The following COBL variants were observed in gnomAD, a reference collection of about 807,000 sequenced individuals.
COBL encodes the protein protein cordon-bleu.
A neutral mutation model predicts 98.8 loss-of-function variants in COBL; 51 were observed. The ratio of observed to expected loss-of-function variants is 0.52; its 90% CI spans 0.41 to 0.65. COBL has a LOEUF of 0.65. Among genes scored for constraint, COBL ranks in the 30% least tolerant of loss-of-function variants. COBL has a pLI of 0.00. For synonymous variants in COBL, 634 were observed against 651.7 expected, an observed-to-expected ratio of 0.97 and a Z score of 0.41; for missense variants, 1,617 against 1,617.5, an observed-to-expected ratio of 1.00 and a Z score of 0.01.
intron 8 of COBL, chr7:51,032,655 G>A (rs551308626): frequency 6.6e-6 from 1 of 152,324 alleles, no homozygotes; most frequent in East Asian, 1.9e-4. Context: ...CACAAAGGGG[G>A]CTGGTTGGAG....
chr7:51,061,263 C>T (rs977427673), intron 7 of COBL, among the ~76,000 whole-genome samples: 3 of 152,006 alleles, frequency 2.0e-5, no homozygotes, highest in Non-Finnish European at 4.4e-5. Context: ...TGTATATATA[C>T]ATATAAATAT....
Position 51,017,179 on chromosome 7 carries a change from A to G in COBL, c.*372T>C. The G allele has an allele frequency of 4.1e-6, 2 of 482,148 alleles. No homozygotes were observed. The highest frequency in any genetic ancestry group is 6.3e-5 in the East Asian group (2 of 31,808). The allele number at this position is 482,148 out of a possible 1,614,324, so 29.9% of individuals were successfully genotyped here. A position where few individuals can be genotyped will look rare whatever the true frequency, so the allele number is the denominator to read the frequency against. On this transcript the variant is annotated 3_prime_UTR_variant, in exon 13 of 13. Transcript: ENST00000265136. ...TAGTTTCATCCATCTGTATGTGGTA[A>G]AAGTCTCAAAGGTCCAAAATCAGTC...
intron 8 of COBL, among the ~76,000 whole-genome samples, chr7:51,042,817 T>C (rs1789334757): frequency 6.6e-6 from 1 of 152,240 alleles, no homozygotes; most frequent in Non-Finnish European, 1.5e-5. Context: ...GACGCCTACA[T>C]GCTGGCAAAG....
intron 5 of COBL, among the ~76,000 whole-genome samples, chr7:51,163,126 C>G (rs1386333054): frequency 2.0e-5 from 3 of 152,188 alleles, no homozygotes; most frequent in Admixed American, 6.5e-5. Flanking sequence ...AGAGGACATT[C>G]AAAGCAGCAA....
chr7:51,070,576 C>A (rs1583680215), intron 7 of COBL, among the ~76,000 whole-genome samples: 1 of 152,180 alleles, frequency 6.6e-6, no homozygotes, highest in Non-Finnish European at 1.5e-5. Flanking sequence ...AAGATGCACT[C>A]TTATCCCTAT....
rs113142731 is a variant in COBL, at chr7:51,238,580, G to A, written c.42-18636C>T. Among the ~76,000 whole-genome samples the A allele has an allele frequency of 6.6e-3, 1,012 of 152,286 alleles. 7 individuals are homozygous for A. The highest frequency in any genetic ancestry group is 0.02 in the Middle Eastern group (6 of 294). ...GCAACTCCATCTTGAATAGGGGATG[G>A]GTAAAATAAGGCTGTGTCTTTTCTT... On this transcript the variant is annotated intron_variant, in intron 1 of 12. Transcript: ENST00000265136.
intron 6 of COBL, among the ~76,000 whole-genome samples, chr7:51,098,770 T>C (rs1375825462): frequency 2.0e-5 from 3 of 152,126 alleles, no homozygotes; most frequent in African/African-American, 7.2e-5. Flanking sequence ...GAGTATATCA[T>C]ACTTAAAAGC....
intron 6 of COBL, among the ~76,000 whole-genome samples, chr7:51,104,280 G>A (rs531123784): frequency 2.1e-4 from 32 of 152,146 alleles, no homozygotes; most frequent in Non-Finnish European, 4.3e-4. Context: ...TTTACATGAT[G>A]ATTATATGTA....
rs114567890 is a variant in COBL at position 51,194,334 on chromosome 7, C to T, written c.246-745G>A. On this transcript the variant is annotated intron_variant, in intron 2 of 12. Coordinates refer to ENST00000265136, the MANE Select transcript of COBL (RefSeq NM_015198.5). The stretch of plus-strand genomic sequence containing the variant: ...CATAGTAGTCCATGGTGTATCTGTA[C>T]TACATTTTCTTTATCCAACATACTA... 3.5e-3 allele frequency among the ~76,000 whole-genome samples: 534 copies of T among 152,188 alleles called. 4 individuals carry two copies. The highest frequency in any genetic ancestry group is 0.012 in the African/African-American group (512 of 41,524).
chr7:51,077,047 A>C (rs1418050365), intron 7 of COBL, among the ~76,000 whole-genome samples: 3 of 152,244 alleles, frequency 2.0e-5, no homozygotes, highest in Non-Finnish European at 4.4e-5. Flanking sequence ...AATAGGCTCC[A>C]TTATGGTGAT....
chr7:51,120,692 T>C (rs939771107), intron 6 of COBL, among the ~76,000 whole-genome samples: 4 of 152,134 alleles, frequency 2.6e-5, no homozygotes, highest in African/African-American at 9.7e-5. Context: ...TCCATGAATC[T>C]GACTACTGTA....
Position 51,017,680 on chromosome 7 carries a change from A to AC in COBL, c.3769-113dup. 6.2e-6 allele frequency: 7 copies of AC among 1,131,046 alleles called. No individual in the cohort carries two copies. In the South Asian group the frequency reaches 8.8e-5, roughly 14 times the overall value. 70.1% of individuals were successfully genotyped at this position (1,131,046 alleles called of 1,614,324 possible). On this transcript the variant is annotated intron_variant, in intron 12 of 12. Coordinates refer to ENST00000265136, the MANE Select transcript of COBL (RefSeq NM_015198.5). Reference sequence around the variant, plus strand: ...CCACTCTTGCAATAGTACTCCTGGAACCCCCTTCCCAGTTCCTTTGACCTG... The same window carrying AC: ...CCACTCTTGCAATAGTACTCCTGGAACCCCCCTTCCCAGTTCCTTTGACCTG...
chr7:51,138,163 C>T (rs1230148586), intron 5 of COBL, among the ~76,000 whole-genome samples: 1 of 152,152 alleles, frequency 6.6e-6, no homozygotes, highest in Non-Finnish European at 1.5e-5. Context: ...GTGCAGAGTT[C>T]CCATAGGAAA....
At chr7:51,264,011 A>G (rs1797947615) in intron 1 of COBL, among the ~76,000 whole-genome samples, 1 of 152,196 alleles carries the variant, frequency 6.6e-6, no homozygotes, top group Non-Finnish European at 1.5e-5. Context: ...CCACTTTTAT[A>G]GAAGATGAAA....
chr7:51,301,306 G>C (rs1230950689), intron 1 of COBL, among the ~76,000 whole-genome samples: 1 of 152,172 alleles, frequency 6.6e-6, no homozygotes, highest in Non-Finnish European at 1.5e-5. Context: ...AGTAAGTGAG[G>C]GAACTTCAAC....
In COBL at chr7:51,229,443, G is replaced by A. The variant is rs148847720; in HGVS notation, c.42-9499C>T. On this transcript the variant is annotated intron_variant, in intron 1 of 12. Transcript: ENST00000265136. ...GGAAGGGCTGAGCTCGCCTTTCATC[G>A]GGATGCCTGGCAGCAACCTTACTTC... Among the ~76,000 whole-genome samples the A allele has an allele frequency of 3.6e-3, 550 of 152,246 alleles. 1 individual carries two copies. Among genetic ancestry groups the A allele is most frequent in the African/African-American group, 0.013 (532 of 41,530 alleles).
intron 1 of COBL, among the ~76,000 whole-genome samples, chr7:51,291,454 A>T (rs969357553): frequency 1.3e-5 from 2 of 152,198 alleles, no homozygotes; most frequent in African/African-American, 4.8e-5. Flanking sequence ...ATGAGGTGAC[A>T]GTCATAAAAA....
chr7:51,067,687 C>T (rs1300566674), intron 7 of COBL, among the ~76,000 whole-genome samples: 1 of 152,184 alleles, frequency 6.6e-6, no homozygotes, highest in East Asian at 1.9e-4. Context: ...ACTCACTTTC[C>T]CCTCTTTGTA....
intron 6 of COBL, among the ~76,000 whole-genome samples, chr7:51,126,243 G>A (rs190266070): frequency 9.2e-5 from 14 of 152,254 alleles, no homozygotes; most frequent in African/African-American, 3.4e-4. Flanking sequence ...CAGGAGAATC[G>A]CTTGAACCTG....
Sources: gnomAD v4.1 joint callset for allele counts (sites outside exome capture counted in the v4.1 genomes callset) on GRCh38, gnomAD v4.1.1 for gene constraint, MANE v1.5 for transcripts, NCBI Gene and HGNC (gene_info 2026-07-23, HGNC 2026-07-21) for gene names.